The following ZNF570 variants were observed in gnomAD, a reference collection of about 807,000 sequenced individuals.
ZNF570 encodes the protein zinc finger protein 570.
A neutral mutation model predicts 14.2 loss-of-function variants in ZNF570; 8 were observed. That is an observed-to-expected ratio of 0.56 (90% confidence interval 0.33 to 1.02). The LOEUF (loss-of-function observed/expected upper bound fraction) is 1.02, where lower values mean the gene tolerates loss of function less well. Among genes scored for constraint, ZNF570 ranks in the 50% least tolerant of loss-of-function variants. ZNF570 has a pLI of 0.03. For missense variants in ZNF570, 559 were observed against 624.9 expected (o/e 0.89, Z 1.12); for synonymous variants, 202 against 207.6 (o/e 0.97, Z 0.23).
upstream of ZNF570, chr19:37,469,227 G>A: frequency 7.4e-7 from 1 of 1,353,246 alleles, no homozygotes; most frequent in Non-Finnish European, 9.5e-7. Context: ...CCTGCGCGGA[G>A]CTGCACCGCT....
chr19:37,484,138 T>C lies in ZNF570; in HGVS notation c.516T>C (p.His172=). Residue 172 remains histidine (H), a synonymous_variant, in exon 5 of 5, where the codon CAT becomes CAC. Coordinates refer to ENST00000330173, the MANE Select transcript of ZNF570 (RefSeq NM_144694.5). ...EQEYKSWGSF[H]QNPLLCTQKI... ...AATATAAATCTTGGGGAAGTTTTCATCAGAACCCACTGCTTTGTACACAAA... is the reference window on the plus strand; with the variant it reads ...AATATAAATCTTGGGGAAGTTTTCACCAGAACCCACTGCTTTGTACACAAA... 1 of 1,613,914 alleles carries C rather than the reference T, an allele frequency of 6.2e-7. No homozygotes were observed. The highest frequency in any genetic ancestry group is 2.2e-5 in the East Asian group (1 of 44,858).
rs16973130 is a variant in ZNF570 at position 37,479,316 on chromosome 19, T to C, written c.256+2882T>C. On this transcript the variant is annotated intron_variant, in intron 4 of 4. Coordinates refer to ENST00000330173, the MANE Select transcript of ZNF570 (RefSeq NM_144694.5). ...ATTTAGAAGTTTGAAATTGAAGGCT[T>C]TTGTTTGGTACTTGTTTAATTGTAT... Among the ~76,000 whole-genome samples the C allele has an allele frequency of 6.3e-3, 957 of 152,198 alleles. 25 individuals are homozygous for C. The highest frequency in any genetic ancestry group is 0.053 in the East Asian group (273 of 5,188).
intron 3 of ZNF570, 84 bp downstream of exon 3, chr19:37,476,091 G>A: frequency 6.6e-7 from 1 of 1,514,900 alleles, no homozygotes; most frequent in Non-Finnish European, 8.8e-7. Flanking sequence ...GATAATATCT[G>A]CAAAATTTGG....
At chr19:37,476,252 CT>C in intron 3 of ZNF570, 86 bp from the exon 4 acceptor site, 2 of 1,496,614 alleles carry the variant, frequency 1.3e-6, no homozygotes, top group Non-Finnish European at 9.0e-7. Flanking sequence ...TGTAAACTCC[CT>C]TTTCCCTGAT....
intron 4 of ZNF570, among the ~76,000 whole-genome samples, chr19:37,476,705 C>CTTT (rs35904468): frequency 1.1e-3 from 128 of 111,762 alleles, no homozygotes; most frequent in Middle Eastern, 5.6e-3. Context: ...GTCTTATAAA[C>CTTT]TTTTTTTTTT....
chr19:37,468,019 T>G (rs1568758373), upstream of ZNF570: 1 of 1,271,882 alleles, frequency 7.9e-7, no homozygotes, highest in Non-Finnish European at 1.1e-6. Context: ...AGACTTGGCC[T>G]TACTAGCTGT....
chr19:37,471,084 G>A (rs1271968205), intron 2 of ZNF570, among the ~76,000 whole-genome samples: 1 of 146,580 alleles, frequency 6.8e-6, no homozygotes, highest in Non-Finnish European at 1.5e-5. Flanking sequence ...CACGATCTAG[G>A]CTCACTGCAA....
chr19:37,484,235 G>T lies in ZNF570; in HGVS notation c.613G>T (p.Ala205Ser). Residue 205 changes from alanine to serine, a missense_variant, in exon 5 of 5, where the codon GCT becomes TCT. Physicochemically the swap from Ala to Ser is moderately conservative, Grantham distance 99. Coordinates refer to ENST00000330173, the MANE Select transcript of ZNF570 (RefSeq NM_144694.5). ...GAGAAGCTTTAAAAAAAATTTAATG[G>T]CTATTAAGCCCAAGAGTGTCTGTGC... ...QKRSFKKNLM[A>S]IKPKSVCAEK... The T allele has an allele frequency of 6.2e-7, 1 of 1,613,904 alleles. No homozygotes were observed. Among genetic ancestry groups the T allele is most frequent in the African/African-American group, 1.3e-5 (1 of 75,016 alleles).
upstream of ZNF570, chr19:37,467,854 G>A: frequency 2.0e-6 from 3 of 1,535,506 alleles, no homozygotes; most frequent in Non-Finnish European, 2.6e-6. Flanking sequence ...TATTCTCGTG[G>A]CTGTTTGATT....
In ZNF570 at chr19:37,470,362, T is replaced by C; in HGVS notation, c.8T>C (p.Val3Ala). 1.2e-6 allele frequency: 2 copies of C among 1,613,622 alleles called. No individual in the cohort carries two copies. The highest frequency in any genetic ancestry group is 4.5e-5 in the East Asian group (2 of 44,886). Residue 3 changes from valine (V) to alanine (A), a missense_variant, in exon 2 of 5, where the codon GTT becomes GCT. Coordinates refer to ENST00000330173, the MANE Select transcript of ZNF570 (RefSeq NM_144694.5). Reference protein sequence around the residue: MAVGLLKAMYQEL... With the variant: MAAGLLKAMYQEL... ...AGCCAGGAGGAAGAAAGAATGGCTG[T>C]TGGGCTTCTTAAAGCCATGTACCAG...
chr19:37,472,147 C>T (rs540423144), intron 2 of ZNF570, among the ~76,000 whole-genome samples: 3 of 151,994 alleles, frequency 2.0e-5, no homozygotes, highest in African/African-American at 4.8e-5. Context: ...CCTTGTGATC[C>T]GCCTGCCTCG....
At chr19:37,476,608 C>A in intron 4 of ZNF570, 174 bp downstream of exon 4, 1 of 903,582 alleles carries the variant, frequency 1.1e-6, no homozygotes, top group Non-Finnish European at 1.5e-6. Flanking sequence ...AATTATTTCC[C>A]TTCTCTTACT....
upstream of ZNF570, among the ~76,000 whole-genome samples, chr19:37,468,338 C>G (rs1337447930): frequency 6.6e-6 from 1 of 152,084 alleles, no homozygotes; most frequent in African/African-American, 2.4e-5. Flanking sequence ...ATCCTCCCGC[C>G]TGGGCCTCAA....
At chr19:37,480,213 C>T (rs2042071043) in intron 4 of ZNF570, among the ~76,000 whole-genome samples, 2 of 152,206 alleles carry the variant, frequency 1.3e-5, no homozygotes, top group Admixed American at 6.5e-5. Flanking sequence ...TAGCCAGGCA[C>T]GGTGGCTCAC....
At chr19:37,471,051 G>A (rs535832447) in intron 2 of ZNF570, among the ~76,000 whole-genome samples, 3 of 122,372 alleles carry the variant, frequency 2.5e-5, no homozygotes, top group African/African-American at 1.0e-4. Context: ...GTCTTGCTCT[G>A]TCTCCAGGCT....
chr19:37,478,534 A>C (rs1300589817), intron 4 of ZNF570, among the ~76,000 whole-genome samples: 1 of 151,592 alleles, frequency 6.6e-6, no homozygotes, highest in Non-Finnish European at 1.5e-5. Flanking sequence ...CTTATACCTT[A>C]ATTTATTTTT....
At position 37,470,116 on chromosome 19, in the gene ZNF570, C is replaced by G. The variant is rs566405583; in HGVS notation, c.-51-188C>G. On this transcript the variant is annotated intron_variant, in intron 1 of 4. Coordinates refer to ENST00000330173, the MANE Select transcript of ZNF570 (RefSeq NM_144694.5). The stretch of plus-strand genomic sequence containing the variant: ...AAAGCCTAGAACATCTGTTGTTAAC[C>G]TAAGGAATTGGGAAATGATTTAGGC... 11 of 532,200 alleles carry G rather than the reference C, an allele frequency of 2.1e-5. No homozygotes were observed. In the African/African-American group the frequency reaches 2.1e-4, roughly 10 times the overall value. 33.0% of individuals were successfully genotyped at this position (532,200 alleles called of 1,614,324 possible).
intron 2 of ZNF570, 97 bp from the exon 3 acceptor site, chr19:37,475,784 T>C: frequency 8.5e-7 from 1 of 1,182,880 alleles, no homozygotes. Context: ...GTTACATATT[T>C]GAGGATGTAA....
In ZNF570 at chr19:37,485,439, G is replaced by C. The variant is rs1600391120; in HGVS notation, c.*206G>C. ...TTTTTTCTTTTTGAGACAATGTCTT[G>C]CTGTGTTGCCCAGGCTGGAGTACAG... On this transcript the variant is annotated 3_prime_UTR_variant, in exon 5 of 5. Transcript: ENST00000330173. 3 of 509,346 alleles carry C rather than the reference G, an allele frequency of 5.9e-6. No individual in the cohort carries two copies. The highest frequency in any genetic ancestry group is 3.7e-5 in the South Asian group (1 of 27,032). 31.6% of individuals were successfully genotyped at this position (509,346 alleles called of 1,614,324 possible).
Sources: allele counts gnomAD v4.1 joint callset (sites outside exome capture counted in the v4.1 genomes callset), GRCh38; gene constraint gnomAD v4.1.1; transcripts MANE v1.5; gene names NCBI Gene and HGNC (gene_info 2026-07-23, HGNC 2026-07-21).